The following SESTD1 variants were observed in gnomAD, a reference collection of about 807,000 sequenced individuals.
The protein encoded by SESTD1 is SEC14 and spectrin domain containing 1, also known as SEC14 domain and spectrin repeat-containing protein 1.
Under a neutral mutation model 101.7 loss-of-function variants are expected in SESTD1, and 43 were observed. The observed-to-expected ratio is 0.42, with a 90% CI of 0.33 to 0.55. The LOEUF (loss-of-function observed/expected upper bound fraction) is 0.55. Ranked by LOEUF, SESTD1 falls within the 20% of genes least tolerant of loss-of-function variation. The pLI, the probability that SESTD1 is intolerant of heterozygous loss-of-function variation, is 0.07. For synonymous variants in SESTD1, 283 were observed against 286.8 expected, an observed-to-expected ratio of 0.99 and a Z score of 0.13; for missense variants, 647 against 815.1, an observed-to-expected ratio of 0.79 and a Z score of 2.51.
rs763723754 is a variant in SESTD1, at chr2:179,115,153, T to C, written c.1751A>G (p.Asn584Ser). The change falls in exon 16 of 18, where the codon AAC becomes AGC. Residue 584 changes from asparagine to serine, a missense_variant. This residue lies in a region of SESTD1 where 476 missense variants were observed against 562.6 expected (regional missense o/e 0.85). Transcript: ENST00000428443. The stretch of plus-strand genomic sequence containing the variant: ...TATTGTAAATTGTTTCCATACTCTG[T>C]TCAGTCGAGGAAGTGTATCCCCAGA... ...RSSGDTLPRL[N>S]RVWKQFTIAS... 1.1e-5 allele frequency: 17 copies of C among 1,614,056 alleles called. No homozygotes were observed. Among genetic ancestry groups the C allele is most frequent in the Non-Finnish European group, 1.4e-5 (17 of 1,179,956 alleles).
rs1193928265 is a variant in SESTD1, at chr2:179,112,791, C to G, written c.1894G>C (p.Asp632His). The G allele has an allele frequency of 3.7e-6, 6 of 1,613,212 alleles. No individual in the cohort carries two copies. Among genetic ancestry groups the G allele is most frequent in the Non-Finnish European group, 5.1e-6 (6 of 1,179,948 alleles). Reference sequence around the variant, plus strand: ...GATTTCCCAACTGCTTCAATTTCATCAAATTGCTCCTCATCATTAATAGCT... The same window carrying G: ...GATTTCCCAACTGCTTCAATTTCATGAAATTGCTCCTCATCATTAATAGCT... ...PEAINDEEQF[D>H]EIEAVGKSLL... The change falls in exon 17 of 18, where the codon GAT becomes CAT. Residue 632 changes from aspartate to histidine, a missense_variant. Asp to His is a moderately conservative substitution (Grantham distance 81, BLOSUM62 -1). This residue lies in a region of SESTD1 where 476 missense variants were observed against 562.6 expected (regional missense o/e 0.85). Transcript: ENST00000428443.
chr2:179,197,733 A>AAAATCCTTTAC (rs1249595417), intron 1 of SESTD1, among the ~76,000 whole-genome samples: 1 of 150,842 alleles, frequency 6.6e-6, no homozygotes, highest in Non-Finnish European at 1.5e-5. Flanking sequence ...AAGGAGAAAT[A>AAAATCCTTTAC]AAATCCTTTA....
intron 2 of SESTD1, among the ~76,000 whole-genome samples, chr2:179,188,085 T>C (rs931586395): frequency 6.6e-5 from 10 of 152,168 alleles, no homozygotes; most frequent in Non-Finnish European, 1.2e-4. Context: ...CTGGACCTAA[T>C]AGACATCTAC....
At chr2:179,142,778 C>T (rs1396600125) in intron 9 of SESTD1, among the ~76,000 whole-genome samples, 1 of 152,152 alleles carries the variant, frequency 6.6e-6, no homozygotes, top group Non-Finnish European at 1.5e-5. Context: ...ATAATCCATC[C>T]TATAATTGCC....
In SESTD1 at chr2:179,116,189, G is replaced by A. The variant is rs112279680; in HGVS notation, c.1647+479C>T. Among the ~76,000 whole-genome samples the A allele has an allele frequency of 9.5e-3, 1,445 of 151,910 alleles. 14 individuals are homozygous for A. Among genetic ancestry groups the A allele is most frequent in the Non-Finnish European group, 0.015 (1,013 of 67,968 alleles). ...CGCAGGTGGCTGAGGCATGAGAATCGCCTGAACCTGGGAGGCAGAGGTTGC... is the reference window on the plus strand; with the variant it reads ...CGCAGGTGGCTGAGGCATGAGAATCACCTGAACCTGGGAGGCAGAGGTTGC... On this transcript the variant is annotated intron_variant, in intron 15 of 17. Coordinates refer to ENST00000428443, the MANE Select transcript of SESTD1 (RefSeq NM_178123.5).
At chr2:179,223,805 G>C (rs950556064) in intron 1 of SESTD1, among the ~76,000 whole-genome samples, 2 of 152,164 alleles carry the variant, frequency 1.3e-5, no homozygotes, top group African/African-American at 2.4e-5. Flanking sequence ...TTCATAGATT[G>C]TCCAAACTAT....
chr2:179,163,439 G>A (rs181469434), intron 5 of SESTD1, among the ~76,000 whole-genome samples: 34 of 151,912 alleles, frequency 2.2e-4, no homozygotes, highest in Non-Finnish European at 4.1e-4. Context: ...TACTAGTTGC[G>A]TTCAAAGTAG....
In SESTD1 at chr2:179,211,279, T is replaced by C. The variant is rs1431714941; in HGVS notation, c.-25-19413A>G. Among the ~76,000 whole-genome samples the C allele has an allele frequency of 2.3e-5, 3 of 130,116 alleles. 1 individual carries two copies. Among genetic ancestry groups the C allele is most frequent in the Non-Finnish European group, 3.2e-5 (2 of 62,016 alleles). The allele number at this position is 130,116 out of a possible 152,430, so 85.4% of individuals were successfully genotyped here. ...CAATGCAATTCCCATCAAAATACCA[T>C]CATCATTCTTCACAGAATTAGAAAA... On this transcript the variant is annotated intron_variant, in intron 1 of 17. Coordinates refer to ENST00000428443, the MANE Select transcript of SESTD1 (RefSeq NM_178123.5).
At chr2:179,185,475 A>G (rs1314648760) in intron 2 of SESTD1, among the ~76,000 whole-genome samples, 2 of 142,418 alleles carry the variant, frequency 1.4e-5, no homozygotes, top group African/African-American at 2.6e-5. Context: ...ACTATATATT[A>G]CTTATCATAT....
At chr2:179,117,434 CT>C in intron 14 of SESTD1, 97 bp downstream of exon 14, 2 of 1,112,270 alleles carry the variant, frequency 1.8e-6, no homozygotes, top group East Asian at 2.8e-5. Flanking sequence ...CAAGAATTTA[CT>C]TTTTTAGGAC....
chr2:179,187,022 C>G (rs985853456), intron 2 of SESTD1, among the ~76,000 whole-genome samples: 2 of 152,124 alleles, frequency 1.3e-5, no homozygotes, highest in Non-Finnish European at 2.9e-5. Context: ...TCCCACCAAA[C>G]TAAGCTTTAT....
At chr2:179,202,884 C>A (rs1476713724) in intron 1 of SESTD1, among the ~76,000 whole-genome samples, 3 of 134,716 alleles carry the variant, frequency 2.2e-5, no homozygotes. Context: ...GTCCCACAAT[C>A]TGGGACAATG....
chr2:179,225,801 C>T (rs2046876684), intron 1 of SESTD1, among the ~76,000 whole-genome samples: 1 of 152,102 alleles, frequency 6.6e-6, no homozygotes, highest in South Asian at 2.1e-4. Context: ...GGTGCTAGTC[C>T]CATTCACGAG....
At chr2:179,153,501 C>T (rs1387884653) in intron 5 of SESTD1, among the ~76,000 whole-genome samples, 2 of 152,016 alleles carry the variant, frequency 1.3e-5, no homozygotes, top group East Asian at 3.9e-4. Context: ...CACTCTCTCG[C>T]TCTCTCTCTC....
At chr2:179,259,949 T>C (rs1280552821) in intron 1 of SESTD1, among the ~76,000 whole-genome samples, 1 of 152,228 alleles carries the variant, frequency 6.6e-6, no homozygotes, top group Non-Finnish European at 1.5e-5. Flanking sequence ...TACCATTGTC[T>C]ACCAGAATCA....
At chr2:179,116,986 C>G (rs1424956084) in intron 14 of SESTD1, among the ~76,000 whole-genome samples, 196 bp from the exon 15 acceptor site, 3 of 152,100 alleles carry the variant, frequency 2.0e-5, no homozygotes, top group Non-Finnish European at 4.4e-5. Context: ...TTCTTTAAAT[C>G]TGAAGGCAAG....
intron 1 of SESTD1, among the ~76,000 whole-genome samples, chr2:179,197,472 C>A (rs1237402180): frequency 6.6e-6 from 1 of 152,140 alleles, no homozygotes; most frequent in Non-Finnish European, 1.5e-5. Context: ...CACAAAGATA[C>A]TCTTCGAGAA....
intron 1 of SESTD1, among the ~76,000 whole-genome samples, chr2:179,192,427 A>G (rs550841004): frequency 6.6e-6 from 1 of 151,902 alleles, no homozygotes; most frequent in South Asian, 2.1e-4. Flanking sequence ...ATCTCACTAC[A>G]TTTTCTAATA....
rs1446154594 is a variant in SESTD1 at position 179,143,727 on chromosome 2, A to G, written c.714T>C (p.Asp238=). 6.2e-7 allele frequency: 1 copy of G among 1,614,084 alleles called. No homozygotes were observed. The highest frequency in any genetic ancestry group is 8.5e-7 in the Non-Finnish European group (1 of 1,179,950). ...SDGGVSWSPM[D]DELLAQPQVM... is the part of the protein sequence containing the mutation. ...CCTGTGGCTGTGCAAGAAGTTCATC[A>G]TCCATAGGAGACCATGAAACCCCTC... Residue 238 remains aspartate (D), a synonymous_variant, in exon 9 of 18, where the codon GAT becomes GAC. Coordinates refer to ENST00000428443, the MANE Select transcript of SESTD1 (RefSeq NM_178123.5).
Sources: gnomAD v4.1 joint callset for allele counts (sites outside exome capture counted in the v4.1 genomes callset) on GRCh38, gnomAD v4.1.1 for gene constraint, gnomAD v4.1.1 regional missense constraint, MANE v1.5 for transcripts, NCBI Gene and HGNC (gene_info 2026-07-23, HGNC 2026-07-21) for gene names.